ADAM18: variants seen among roughly 807,000 people sequenced by gnomAD.
The protein encoded by ADAM18 is ADAM metallopeptidase domain 18.
ADAM18 carries 117 observed loss-of-function variants against 94.4 expected under a neutral mutation model. The ratio of observed to expected loss-of-function variants is 1.24; its 90% CI spans 1.07 to 1.45. The LOEUF (loss-of-function observed/expected upper bound fraction) is 1.45. ADAM18 is among the 40% of genes most tolerant of loss of function. The probability of loss-of-function intolerance (pLI) is 0.00; values close to 1 mark genes in which losing one functional copy is unlikely to be tolerated. For synonymous variants in ADAM18, 327 were observed against 291.6 expected (o/e 1.12, Z -1.24); for missense variants, 936 against 880.0 (o/e 1.06, Z -0.81).
At chr8:39,622,222 A>G (rs1819635911) in intron 6 of ADAM18, among the ~76,000 whole-genome samples, 2 of 151,240 alleles carry the variant, frequency 1.3e-5, no homozygotes, top group South Asian at 4.1e-4. Flanking sequence ...CACACAAGGC[A>G]AAATTATATT....
intron 6 of ADAM18, among the ~76,000 whole-genome samples, chr8:39,615,583 C>G (rs1819413084): frequency 6.6e-6 from 1 of 152,146 alleles, no homozygotes; most frequent in Non-Finnish European, 1.5e-5. Flanking sequence ...AATGAGTCAT[C>G]TATGACAAAC....
chr8:39,648,550 C>G (rs371248394), intron 12 of ADAM18, 23 bp downstream of exon 12: 2 of 1,567,590 alleles, frequency 1.3e-6, no homozygotes, highest in South Asian at 2.4e-5. Flanking sequence ...GATTGAAACT[C>G]GAGCACAATT....
chr8:39,714,491 A>T (rs187685592), intron 18 of ADAM18, among the ~76,000 whole-genome samples: 7 of 152,088 alleles, frequency 4.6e-5, no homozygotes, highest in Admixed American at 2.0e-4. Context: ...AATTTAATAA[A>T]CAAGACCAAA....
At position 39,729,987 on chromosome 8, in the gene ADAM18, C is replaced by G; in HGVS notation, c.*47C>G. On this transcript the variant is annotated 3_prime_UTR_variant, in exon 20 of 20. Transcript: ENST00000265707. ...CAAATAACCTAAAGGAACGAATGTG[C>G]TTTATTTATAACCTTACGTTATCCC... The G allele has an allele frequency of 6.4e-7, 1 of 1,564,634 alleles. No individual in the cohort carries two copies. The highest frequency in any genetic ancestry group is 1.1e-5 in the South Asian group (1 of 89,998).
At chr8:39,715,510 A>G (rs1423315026) in intron 18 of ADAM18, among the ~76,000 whole-genome samples, 1 of 151,808 alleles carries the variant, frequency 6.6e-6, no homozygotes, top group Non-Finnish European at 1.5e-5. Context: ...AAAATCAATG[A>G]AAGACTGGTT....
chr8:39,721,066 C>T (rs1052822195), intron 18 of ADAM18, among the ~76,000 whole-genome samples: 2 of 151,378 alleles, frequency 1.3e-5, no homozygotes, highest in African/African-American at 2.4e-5. Flanking sequence ...CTATAAGCAA[C>T]AACATCTGTG....
In ADAM18 at chr8:39,704,119, T is replaced by C. The variant is rs567131970; in HGVS notation, c.1903-2671T>C. 7.4e-4 allele frequency among the ~76,000 whole-genome samples: 112 copies of C among 152,286 alleles called. 1 individual carries two copies. Among genetic ancestry groups the C allele is most frequent in the African/African-American group, 2.6e-3 (108 of 41,574 alleles). On this transcript the variant is annotated intron_variant, in intron 17 of 19. Coordinates refer to ENST00000265707, the MANE Select transcript of ADAM18 (RefSeq NM_014237.3). ...CAGGACGATAGATTCACAGGTGATT[T>C]CTACCTGAGGTACAAAGATGAGCTA...
chr8:39,624,820 C>T (rs1404489453), intron 6 of ADAM18, among the ~76,000 whole-genome samples: 1 of 152,134 alleles, frequency 6.6e-6, no homozygotes, highest in East Asian at 1.9e-4. Context: ...CTTTCTCCTG[C>T]TCCGTCCATG....
chr8:39,705,448 A>T (rs1006296596), intron 17 of ADAM18, among the ~76,000 whole-genome samples: 5 of 152,118 alleles, frequency 3.3e-5, no homozygotes, highest in African/African-American at 1.2e-4. Context: ...AAAAAGATGC[A>T]TAAGGCCAGA....
intron 19 of ADAM18, among the ~76,000 whole-genome samples, chr8:39,728,751 T>G (rs1586023012): frequency 6.6e-6 from 1 of 152,190 alleles, no homozygotes; most frequent in East Asian, 1.9e-4. Flanking sequence ...AAAAATGAAT[T>G]GTAAAAAAGC....
At chr8:39,729,186 A>C (rs1294396209) in intron 19 of ADAM18, among the ~76,000 whole-genome samples, 1 of 152,088 alleles carries the variant, frequency 6.6e-6, no homozygotes, top group African/African-American at 2.4e-5. Context: ...TTGAATACAT[A>C]TTATTCAATG....
At chr8:39,718,560 G>C (rs920853638) in intron 18 of ADAM18, among the ~76,000 whole-genome samples, 1 of 151,388 alleles carries the variant, frequency 6.6e-6, no homozygotes, top group African/African-American at 2.4e-5. Flanking sequence ...GTAGTATGAT[G>C]GGGTGGAAAA....
At chr8:39,635,257 A>C (rs1164116006) in intron 7 of ADAM18, among the ~76,000 whole-genome samples, 1 of 152,188 alleles carries the variant, frequency 6.6e-6, no homozygotes, top group African/African-American at 2.4e-5. Context: ...GGACTAAGGC[A>C]TAGGTTTTCA....
intron 12 of ADAM18, among the ~76,000 whole-genome samples, chr8:39,650,742 A>C (rs1820509432): frequency 6.6e-6 from 1 of 152,332 alleles, no homozygotes; most frequent in South Asian, 2.1e-4. Context: ...TGTAATCTCT[A>C]TCAAAATCCC....
chr8:39,694,226 A>G (rs1182777096), intron 17 of ADAM18, among the ~76,000 whole-genome samples: 4 of 151,228 alleles, frequency 2.6e-5, no homozygotes, highest in Non-Finnish European at 5.9e-5. Flanking sequence ...ATATTTGCAG[A>G]ATATTTTTTA....
chr8:39,696,958 G>A (rs780666795), intron 17 of ADAM18, among the ~76,000 whole-genome samples: 2 of 151,506 alleles, frequency 1.3e-5, no homozygotes, highest in African/African-American at 4.8e-5. Context: ...GGCTTGGGTA[G>A]TATTGTCATC....
chr8:39,720,129 AAG>A (rs1425409476), intron 18 of ADAM18, among the ~76,000 whole-genome samples: 2 of 151,698 alleles, frequency 1.3e-5, no homozygotes, highest in African/African-American at 4.8e-5. Context: ...AAATAATAAA[AAG>A]AAATAAACTG....
chr8:39,590,837 A>G (rs1484015895), intron 2 of ADAM18, among the ~76,000 whole-genome samples: 1 of 152,152 alleles, frequency 6.6e-6, no homozygotes, highest in East Asian at 1.9e-4. Context: ...AAACTCTCTC[A>G]TGATTCCTTC....
chr8:39,730,012 C>G lies in ADAM18; in HGVS notation c.*72C>G. 1 of 1,444,170 alleles carries G rather than the reference C, an allele frequency of 6.9e-7. No individual in the cohort carries two copies. The allele number at this position is 1,444,170 out of a possible 1,614,324, so 89.5% of individuals were successfully genotyped here. A position where few individuals can be genotyped will look rare whatever the true frequency, so the allele number is the denominator to read the frequency against. On this transcript the variant is annotated 3_prime_UTR_variant, in exon 20 of 20. Transcript: ENST00000265707. ...CTTTATTTATAACCTTACGTTATCC[C>G]CAATGCATTGTAAATGTCAAACTTT...
Sources: allele counts gnomAD v4.1 joint callset (sites outside exome capture counted in the v4.1 genomes callset), GRCh38; gene constraint gnomAD v4.1.1; transcripts MANE v1.5; gene names NCBI Gene and HGNC (gene_info 2026-07-23, HGNC 2026-07-21).